Variants in LRRTM4 observed in about 807,000 individuals in gnomAD.
The protein encoded by LRRTM4 is leucine rich repeat transmembrane neuronal 4, also known as leucine-rich repeat transmembrane neuronal protein 4.
In LRRTM4, 25 loss-of-function variants were observed where a neutral mutation model predicts 47.6. That is an observed-to-expected ratio of 0.53 (90% confidence interval 0.38 to 0.73). The LOEUF (loss-of-function observed/expected upper bound fraction) is 0.73, where lower values mean the gene tolerates loss of function less well. Among genes scored for constraint, LRRTM4 ranks in the 30% least tolerant of loss-of-function variants. The pLI, the probability that LRRTM4 is intolerant of heterozygous loss-of-function variation, is 0.00. For synonymous variants in LRRTM4, 311 were observed against 269.5 expected, an observed-to-expected ratio of 1.15 and a Z score of -1.51; for missense variants, 638 against 713.4, an observed-to-expected ratio of 0.89 and a Z score of 1.20.
At chr2:77,477,939 GAA>G (rs1286022962) in intron 3 of LRRTM4, among the ~76,000 whole-genome samples, 111 of 140,320 alleles carry the variant, frequency 7.9e-4, no homozygotes, top group African/African-American at 2.9e-3. Context: ...AAGAAAGAAA[GAA>G]AGAAAGAAAG....
chr2:77,429,354 T>C (rs1426696429), intron 3 of LRRTM4, among the ~76,000 whole-genome samples: 1 of 152,130 alleles, frequency 6.6e-6, no homozygotes, highest in East Asian at 1.9e-4. Context: ...ACTTAATATA[T>C]ATCCAAAGAA....
At chr2:76,797,646 C>T (rs1675417933) in intron 3 of LRRTM4, among the ~76,000 whole-genome samples, 1 of 151,284 alleles carries the variant, frequency 6.6e-6, no homozygotes, top group South Asian at 2.1e-4. Flanking sequence ...GGACTAAATG[C>T]TCCAATTAAA....
intron 3 of LRRTM4, among the ~76,000 whole-genome samples, chr2:76,978,036 C>T (rs1438313205): frequency 6.6e-6 from 1 of 151,972 alleles, no homozygotes; most frequent in Non-Finnish European, 1.5e-5. Flanking sequence ...TATGGTCAAA[C>T]CCATGGCTAA....
chr2:76,935,841 C>T (rs915720019), intron 3 of LRRTM4, among the ~76,000 whole-genome samples: 1 of 152,142 alleles, frequency 6.6e-6, no homozygotes, highest in African/African-American at 2.4e-5. Flanking sequence ...ATTTCTCTCC[C>T]TTGCCTGAAT....
At chr2:76,795,248 AATC>A (rs1675214839) in intron 3 of LRRTM4, among the ~76,000 whole-genome samples, 1 of 143,554 alleles carries the variant, frequency 7.0e-6, no homozygotes, top group Non-Finnish European at 1.5e-5. Flanking sequence ...GTACTTTAAA[AATC>A]ATTTTTAATT....
rs116249157 is a variant in LRRTM4, at chr2:77,282,721, T to C, written c.1551+235597A>G. Among the ~76,000 whole-genome samples, 1,349 of 151,656 alleles carry C rather than the reference T, an allele frequency of 8.9e-3. 21 individuals are homozygous for C. The highest frequency in any genetic ancestry group is 0.03 in the African/African-American group (1,225 of 41,426). On this transcript the variant is annotated intron_variant, in intron 3 of 3. Coordinates refer to ENST00000409884, the MANE Select transcript of LRRTM4 (RefSeq NM_001134745.3). ...TACAACCATCTAATTTTTTACAAAGTCAACAAAAATAAGCAATGGGGAAAG... is the reference window on the plus strand; with the variant it reads ...TACAACCATCTAATTTTTTACAAAGCCAACAAAAATAAGCAATGGGGAAAG...
intron 3 of LRRTM4, among the ~76,000 whole-genome samples, chr2:76,798,146 CA>C (rs1015002872): frequency 1.3e-5 from 2 of 152,110 alleles, no homozygotes; most frequent in Non-Finnish European, 2.9e-5. Flanking sequence ...ACACAATATA[CA>C]TTTTTTTCAG....
intron 3 of LRRTM4, among the ~76,000 whole-genome samples, chr2:76,887,562 T>C (rs543570110): frequency 1.3e-4 from 19 of 146,640 alleles, no homozygotes; most frequent in African/African-American, 4.8e-4. Flanking sequence ...TTTTGACATA[T>C]GTGCAAATAT....
chr2:77,337,339 A>G (rs142597022), intron 3 of LRRTM4, among the ~76,000 whole-genome samples: 1 of 152,192 alleles, frequency 6.6e-6, no homozygotes, highest in East Asian at 1.9e-4. Context: ...CAAATTATCA[A>G]TGTCATTTTT....
intron 3 of LRRTM4, among the ~76,000 whole-genome samples, chr2:76,813,103 C>T (rs965977331): frequency 6.6e-6 from 1 of 151,836 alleles, no homozygotes; most frequent in Non-Finnish European, 1.5e-5. Context: ...GGTGGAGGTT[C>T]CAGTGAGCCA....
intron 3 of LRRTM4, among the ~76,000 whole-genome samples, chr2:77,056,205 G>C (rs56030888): frequency 6.7e-6 from 1 of 148,562 alleles, no homozygotes; most frequent in African/African-American, 2.5e-5. Context: ...AAAAGCTAAT[G>C]TGAGAATAAT....
intron 3 of LRRTM4, among the ~76,000 whole-genome samples, chr2:76,813,580 C>T (rs544572352): frequency 2.6e-4 from 39 of 151,654 alleles, no homozygotes; most frequent in Admixed American, 2.2e-3. Context: ...TAAATTCATG[C>T]GAACAGTAAA....
chr2:77,201,157 G>T (rs1347843832), intron 3 of LRRTM4, among the ~76,000 whole-genome samples: 2 of 152,194 alleles, frequency 1.3e-5, no homozygotes, highest in Middle Eastern at 3.4e-3. Flanking sequence ...CAATAATATA[G>T]CAAAGGAAAA....
At chr2:77,477,701 A>C (rs1677460023) in intron 3 of LRRTM4, among the ~76,000 whole-genome samples, 1 of 151,452 alleles carries the variant, frequency 6.6e-6, no homozygotes. Context: ...TAATAATAAA[A>C]TACAAAATTA....
chr2:77,382,271 T>C (rs1673083720), intron 3 of LRRTM4, among the ~76,000 whole-genome samples: 2 of 152,106 alleles, frequency 1.3e-5, no homozygotes, highest in African/African-American at 4.8e-5. Context: ...TGATGGTGTG[T>C]TTAATTTATT....
intron 3 of LRRTM4, among the ~76,000 whole-genome samples, chr2:77,337,392 A>T (rs1671204948): frequency 6.6e-6 from 1 of 152,118 alleles, no homozygotes; most frequent in Non-Finnish European, 1.5e-5. Context: ...ATTCACATGG[A>T]TTCAGGAAAG....
intron 3 of LRRTM4, among the ~76,000 whole-genome samples, chr2:77,514,756 C>A (rs66637022): frequency 2.0e-5 from 3 of 151,708 alleles, no homozygotes; most frequent in African/African-American, 7.2e-5. Context: ...TACAAATATT[C>A]TTTCTTGTCC....
chr2:76,818,986 A>G (rs1349790542), intron 3 of LRRTM4, among the ~76,000 whole-genome samples: 1 of 151,804 alleles, frequency 6.6e-6, no homozygotes, highest in Non-Finnish European at 1.5e-5. Context: ...GTTGTCCTAA[A>G]TAATTGTCGA....
At chr2:77,007,612 C>T (rs1258058257) in intron 3 of LRRTM4, among the ~76,000 whole-genome samples, 7 of 152,160 alleles carry the variant, frequency 4.6e-5, no homozygotes, top group Admixed American at 6.6e-5. Flanking sequence ...AGGTTTGTTA[C>T]TAACTTGTAC....
Sources: allele counts gnomAD v4.1 joint callset (sites outside exome capture counted in the v4.1 genomes callset), GRCh38; gene constraint gnomAD v4.1.1; transcripts MANE v1.5; gene names NCBI Gene and HGNC (gene_info 2026-07-23, HGNC 2026-07-21).